The following NTM variants were observed in gnomAD, a reference collection of about 807,000 sequenced individuals.
NTM encodes the protein IgLON family member 2.
In NTM, 13 loss-of-function variants were observed where a neutral mutation model predicts 42.1. That is an observed-to-expected ratio of 0.31 (90% confidence interval 0.20 to 0.49). NTM has a LOEUF of 0.49. Among genes scored for constraint, NTM ranks in the 20% least tolerant of loss-of-function variants. The pLI, the probability that NTM is intolerant of heterozygous loss-of-function variation, is 0.99. For missense variants in NTM, 373 were observed against 452.8 expected (o/e 0.82, Z 1.60); for synonymous variants, 187 against 179.2 (o/e 1.04, Z -0.35).
At chr11:131,558,548 A>G (rs2055766993) in intron 1 of NTM, among the ~76,000 whole-genome samples, 1 of 152,074 alleles carries the variant, frequency 6.6e-6, no homozygotes, top group African/African-American at 2.4e-5. Flanking sequence ...AGTGGTTAGG[A>G]TTTCCTACCT....
intron 1 of NTM, among the ~76,000 whole-genome samples, chr11:131,463,282 G>A (rs1951578016): frequency 6.6e-6 from 1 of 152,218 alleles, no homozygotes; most frequent in Admixed American, 6.5e-5. Context: ...AACAGCAGGT[G>A]CACATGGCAG....
At chr11:131,867,547 CGT>C (rs1352659261) in intron 1 of NTM, among the ~76,000 whole-genome samples, 1 of 150,006 alleles carries the variant, frequency 6.7e-6, no homozygotes, top group Non-Finnish European at 1.5e-5. Context: ...TGTGTGTGTG[CGT>C]GTTTGGGTGT....
At chr11:131,565,639 C>T (rs763718110) in intron 1 of NTM, among the ~76,000 whole-genome samples, 1 of 152,176 alleles carries the variant, frequency 6.6e-6, no homozygotes, top group Non-Finnish European at 1.5e-5. Context: ...CAAGTAAGTG[C>T]CTTTATGTTC....
chr11:131,529,219 G>T (rs1437372431), intron 1 of NTM, among the ~76,000 whole-genome samples: 1 of 152,216 alleles, frequency 6.6e-6, no homozygotes, highest in African/African-American at 2.4e-5. Context: ...CCACCCATCT[G>T]CCCATAAGGG....
chr11:131,582,810 G>A (rs77372282), intron 1 of NTM, among the ~76,000 whole-genome samples: 2,113 of 150,076 alleles, frequency 0.014, 56 homozygotes, highest in African/African-American at 0.048. Context: ...AAAAAACCCA[G>A]CCCCTTCTGA....
intron 1 of NTM, among the ~76,000 whole-genome samples, chr11:131,669,540 G>A (rs2069727808): frequency 6.6e-6 from 1 of 152,164 alleles, no homozygotes; most frequent in Non-Finnish European, 1.5e-5. Context: ...GCATGTTAGG[G>A]GCATTGAAGG....
intron 1 of NTM, among the ~76,000 whole-genome samples, chr11:131,557,589 C>T (rs1044625469): frequency 6.6e-6 from 1 of 152,168 alleles, no homozygotes; most frequent in Non-Finnish European, 1.5e-5. Context: ...CTGGAAGACA[C>T]ATTTTTAAAT....
chr11:131,404,813 A>G (rs897700694), intron 1 of NTM, among the ~76,000 whole-genome samples: 7 of 152,160 alleles, frequency 4.6e-5, no homozygotes, highest in Admixed American at 6.5e-5. Context: ...CTGGTACTAC[A>G]TGTGTTAGGG....
At chr11:132,238,656 G>A (rs981121093) in intron 4 of NTM, among the ~76,000 whole-genome samples, 5 of 152,186 alleles carry the variant, frequency 3.3e-5, no homozygotes, top group African/African-American at 9.6e-5. Flanking sequence ...GACTCGCGGA[G>A]CTCATTGCCT....
chr11:132,015,973 A>G (rs933662679), intron 2 of NTM, among the ~76,000 whole-genome samples: 7 of 151,992 alleles, frequency 4.6e-5, no homozygotes. Context: ...GAGTAGTGAA[A>G]GTGGGTATCC....
chr11:131,421,835 G>A (rs1321169849), intron 1 of NTM, among the ~76,000 whole-genome samples: 1 of 152,196 alleles, frequency 6.6e-6, no homozygotes, highest in Admixed American at 6.5e-5. Flanking sequence ...ATACACATGA[G>A]GATTTTCCTT....
chr11:132,319,490 G>A (rs2095510784), intron 7 of NTM, among the ~76,000 whole-genome samples: 1 of 152,214 alleles, frequency 6.6e-6, no homozygotes, highest in South Asian at 2.1e-4. Flanking sequence ...CTGGCTTGGA[G>A]GGTCCTACAC....
intron 1 of NTM, among the ~76,000 whole-genome samples, chr11:131,506,265 G>A (rs1484231828): frequency 6.6e-6 from 1 of 152,132 alleles, no homozygotes; most frequent in African/African-American, 2.4e-5. Context: ...GGGGTTTATG[G>A]ACCAAGGACA....
chr11:131,784,398 G>A (rs1331253319), intron 1 of NTM, among the ~76,000 whole-genome samples: 6 of 148,990 alleles, frequency 4.0e-5, no homozygotes, highest in Non-Finnish European at 5.9e-5. Flanking sequence ...TTCATACAGT[G>A]AAATTCTATT....
intron 7 of NTM, among the ~76,000 whole-genome samples, chr11:132,317,357 G>A (rs187790634): frequency 4.5e-4 from 69 of 152,342 alleles, no homozygotes; most frequent in Admixed American, 3.9e-3. Context: ...TATCCAGTTA[G>A]TAGCATGGCT....
At chr11:131,943,397 C>T (rs1179377209) in intron 2 of NTM, among the ~76,000 whole-genome samples, 1 of 152,238 alleles carries the variant, frequency 6.6e-6, no homozygotes, top group Non-Finnish European at 1.5e-5. Context: ...CTGCAGCACC[C>T]AGTTGGGAGG....
rs3040141 is a variant in NTM at position 131,592,524 on chromosome 11, CAAAAAAA to C, written c.82+221647_82+221653del. 1.2e-3 allele frequency among the ~76,000 whole-genome samples: 152 copies of C among 129,940 alleles called. 1 individual carries two copies. In the Middle Eastern group the frequency reaches 0.012, roughly 10 times the overall value. The allele number at this position is 129,940 out of a possible 152,430, so 85.2% of individuals were successfully genotyped here. ...AAAGCTTGGCATATAATAGGTCTTT[CAAAAAAA>C]AAAAAAAAAAGCTAGTTTCTTTTGT... On this transcript the variant is annotated intron_variant, in intron 1 of 8. Transcript: ENST00000683400.
intron 1 of NTM, among the ~76,000 whole-genome samples, chr11:131,468,964 A>T (rs1218895924): frequency 6.6e-6 from 1 of 152,238 alleles, no homozygotes; most frequent in Non-Finnish European, 1.5e-5. Flanking sequence ...AAGGCAGAAC[A>T]ATTGGATGAA....
rs537122731 is a variant in NTM, at chr11:131,391,671, A to G, written c.82+20783A>G. 1.5e-4 allele frequency among the ~76,000 whole-genome samples: 22 copies of G among 150,972 alleles called. No homozygotes were observed. The East Asian group carries it at 3.7e-3, about 25-fold the overall frequency. ...AAAAAAAAAAAAAAAAAAGAAAAGA[A>G]AAGAAGAAGGCTAGGATTGGGTGCG... is the stretch of plus-strand genomic sequence containing the variant. On this transcript the variant is annotated intron_variant, in intron 1 of 8. Coordinates refer to ENST00000683400, the MANE Select transcript of NTM (RefSeq NM_001352005.2).
Sources: gnomAD v4.1 joint callset for allele counts (sites outside exome capture counted in the v4.1 genomes callset) on GRCh38, gnomAD v4.1.1 for gene constraint, MANE v1.5 for transcripts, NCBI Gene and HGNC (gene_info 2026-07-23, HGNC 2026-07-21) for gene names.